ARHGEF26: variants seen among roughly 807,000 people sequenced by gnomAD.
The protein encoded by ARHGEF26 is Rho guanine nucleotide exchange factor 26, also known as Rho guanine nucleotide exchange factor (GEF) 26.
In ARHGEF26, 59 loss-of-function variants were observed where a neutral mutation model predicts 89.4. The ratio of observed to expected loss-of-function variants is 0.66; its 90% CI spans 0.54 to 0.82. The LOEUF (loss-of-function observed/expected upper bound fraction) is 0.82. ARHGEF26 is among the 40% of genes least tolerant of loss of function. ARHGEF26 has a pLI of 0.00. For missense variants in ARHGEF26, 1,234 were observed against 1,085.6 expected (o/e 1.14, Z -1.92); for synonymous variants, 500 against 428.4 (o/e 1.17, Z -2.06).
intron 11 of ARHGEF26, among the ~76,000 whole-genome samples, chr3:154,239,931 C>T (rs1174521665): frequency 6.6e-6 from 1 of 151,776 alleles, no homozygotes; most frequent in African/African-American, 2.4e-5. Context: ...GGGCTCTTCT[C>T]TTCAATGCAT....
chr3:154,191,730 C>T (rs1007585498), intron 8 of ARHGEF26, among the ~76,000 whole-genome samples: 2 of 152,088 alleles, frequency 1.3e-5, no homozygotes, highest in African/African-American at 2.4e-5. Context: ...TCTAGCTAAG[C>T]CATTAGGCAT....
intron 8 of ARHGEF26, among the ~76,000 whole-genome samples, chr3:154,193,458 T>C (rs1473733476): frequency 6.6e-6 from 1 of 152,174 alleles, no homozygotes; most frequent in African/African-American, 2.4e-5. Flanking sequence ...CTTGGCTTGG[T>C]GCTTCTGTAC....
At chr3:154,158,996 A>G (rs1711516366) in intron 6 of ARHGEF26, among the ~76,000 whole-genome samples, 2 of 152,120 alleles carry the variant, frequency 1.3e-5, no homozygotes, top group Non-Finnish European at 2.9e-5. Flanking sequence ...TTAGGAAAGA[A>G]AATTGTCTTT....
At chr3:154,189,539 G>A (rs143623378) in intron 7 of ARHGEF26, among the ~76,000 whole-genome samples, 1,638 of 151,894 alleles carry the variant, frequency 0.011, 24 homozygotes, top group African/African-American at 0.037. Flanking sequence ...GGGTTTCACC[G>A]TATTAGCCAG....
At chr3:154,176,704 C>G (rs775506126) in intron 6 of ARHGEF26, among the ~76,000 whole-genome samples, 1 of 152,014 alleles carries the variant, frequency 6.6e-6, no homozygotes, top group Non-Finnish European at 1.5e-5. Flanking sequence ...GTTAGAAATT[C>G]GGTTTGAAAA....
At chr3:154,163,418 T>C (rs1711790342) in intron 6 of ARHGEF26, among the ~76,000 whole-genome samples, 1 of 152,078 alleles carries the variant, frequency 6.6e-6, no homozygotes, top group Non-Finnish European at 1.5e-5. Context: ...ACCTAGTGAG[T>C]TTTTTGATTC....
At chr3:154,224,423 A>G (rs907898833) in intron 10 of ARHGEF26, among the ~76,000 whole-genome samples, 1 of 152,190 alleles carries the variant, frequency 6.6e-6, no homozygotes, top group South Asian at 2.1e-4. Context: ...CAATTTAAAA[A>G]TCTTTCTTTC....
intron 4 of ARHGEF26, among the ~76,000 whole-genome samples, chr3:154,136,809 G>A (rs1719037450): frequency 6.6e-6 from 1 of 152,106 alleles, no homozygotes; most frequent in South Asian, 2.1e-4. Flanking sequence ...TTACAGTTTG[G>A]CAACGCAGCA....
At position 154,140,437 on chromosome 3, in the gene ARHGEF26, C is replaced by A. The variant is rs575491984; in HGVS notation, c.1270-8952C>A. Among the ~76,000 whole-genome samples, 113 of 152,284 alleles carry A rather than the reference C, an allele frequency of 7.4e-4. 1 individual carries two copies. Among genetic ancestry groups the A allele is most frequent in the African/African-American group, 2.7e-3 (111 of 41,562 alleles). ...ACATGTACCTAGGGCTCTGGAAGAG[C>A]AGGAACTATGTTTCTCCCAGGTGCT... On this transcript the variant is annotated intron_variant, in intron 4 of 14. Transcript: ENST00000465093.
intron 12 of ARHGEF26, among the ~76,000 whole-genome samples, chr3:154,247,788 G>A (rs781565807): frequency 3.3e-5 from 5 of 152,076 alleles, no homozygotes; most frequent in South Asian, 2.1e-4. Context: ...TAGGATGTAC[G>A]TCGAAGTCAT....
intron 12 of ARHGEF26, among the ~76,000 whole-genome samples, chr3:154,252,166 T>G (rs1718197082): frequency 6.6e-6 from 1 of 152,176 alleles, no homozygotes; most frequent in Non-Finnish European, 1.5e-5. Context: ...GTGTTGGTCA[T>G]GAAGGCATTT....
chr3:154,205,761 A>G (rs1175564240), intron 9 of ARHGEF26, among the ~76,000 whole-genome samples: 1 of 152,228 alleles, frequency 6.6e-6, no homozygotes, highest in Non-Finnish European at 1.5e-5. Context: ...ACAGAAAACT[A>G]ATAAGAACTC....
chr3:154,142,076 C>T (rs1401551823), intron 4 of ARHGEF26, among the ~76,000 whole-genome samples: 1 of 152,082 alleles, frequency 6.6e-6, no homozygotes, highest in African/African-American at 2.4e-5. Flanking sequence ...AAGTGAATGA[C>T]ACAGTTGAAA....
chr3:154,238,296 G>C (rs1717251493), intron 11 of ARHGEF26, among the ~76,000 whole-genome samples: 1 of 152,170 alleles, frequency 6.6e-6, no homozygotes, highest in Non-Finnish European at 1.5e-5. Flanking sequence ...GGCAGTCTCA[G>C]GAGAACTTTG....
chr3:154,240,721 G>C lies in ARHGEF26; in HGVS notation c.2300+142G>C, dbSNP rs542000018. The C allele has an allele frequency of 6.3e-5, 42 of 670,428 alleles. 1 individual carries two copies. The South Asian group carries it at 8.7e-4, about 14-fold the overall frequency. 41.5% of individuals were successfully genotyped at this position (670,428 alleles called of 1,614,324 possible). A position where few individuals can be genotyped will look rare whatever the true frequency, so the allele number is the denominator to read the frequency against. On this transcript the variant is annotated intron_variant, in intron 12 of 14. Coordinates refer to ENST00000465093, the MANE Select transcript of ARHGEF26 (RefSeq NM_015595.4). Reference sequence around the variant, plus strand: ...TACTGTTCGCTAAGCACTATGACTGGGTAATTTTTACAGATGTTGTTCTTT... The same window carrying C: ...TACTGTTCGCTAAGCACTATGACTGCGTAATTTTTACAGATGTTGTTCTTT...
chr3:154,171,479 G>T (rs1465359798), intron 6 of ARHGEF26, among the ~76,000 whole-genome samples: 6 of 152,144 alleles, frequency 3.9e-5, no homozygotes, highest in Non-Finnish European at 8.8e-5. Context: ...GTATCATACA[G>T]AATAGTTTCA....
chr3:154,214,437 G>A (rs913503968), intron 9 of ARHGEF26, among the ~76,000 whole-genome samples: 12 of 152,120 alleles, frequency 7.9e-5, no homozygotes, highest in Admixed American at 3.9e-4. Flanking sequence ...AAGGAGACTT[G>A]GATTGTATGT....
intron 9 of ARHGEF26, among the ~76,000 whole-genome samples, chr3:154,209,985 C>G (rs938488517): frequency 2.2e-4 from 33 of 152,230 alleles, no homozygotes; most frequent in Admixed American, 2.2e-3. Context: ...CCCACTCTAA[C>G]CTTCCCTTTC....
chr3:154,230,077 T>C (rs1472091849), intron 11 of ARHGEF26, among the ~76,000 whole-genome samples: 1 of 152,198 alleles, frequency 6.6e-6, no homozygotes, highest in Non-Finnish European at 1.5e-5. Flanking sequence ...ACTAAAAGAT[T>C]TATTTTGTAA....
Sources: gnomAD v4.1 joint callset for allele counts (sites outside exome capture counted in the v4.1 genomes callset) on GRCh38, gnomAD v4.1.1 for gene constraint, MANE v1.5 for transcripts, NCBI Gene and HGNC (gene_info 2026-07-23, HGNC 2026-07-21) for gene names.